The following WDR45 variants were observed in gnomAD, a reference collection of about 807,000 sequenced individuals.
The protein encoded by WDR45 is WD repeat domain phosphoinositide-interacting protein 4.
WDR45 carries 2 observed loss-of-function variants against 27.3 expected under a neutral mutation model. The observed-to-expected ratio is 0.07, with a 90% CI of 0.03 to 0.23. The LOEUF is 0.23. Among genes scored for constraint, WDR45 ranks in the 10% least tolerant of loss-of-function variants. The pLI is 1.00. For synonymous variants in WDR45, 99 were observed against 119.2 expected (o/e 0.83, Z 1.11); for missense variants, 175 against 311.9 (o/e 0.56, Z 3.31).
At chrX:49,095,598 C>G in intron 2 of WDR45, among the ~76,000 whole-genome samples, 1 of 105,769 alleles carries the variant, frequency 9.5e-6, no homozygotes, top group Non-Finnish European at 1.9e-5. Context: ...GTAGCTGGGA[C>G]TACAGGCGCC....
intron 1 of WDR45, chrX:49,100,767 G>GT (rs1322401441): frequency 1.6e-4 from 18 of 112,964 alleles, no homozygotes; most frequent in African/African-American, 5.5e-4. Context: ...GGACCGGCTT[G>GT]TGAGAAGGAG....
rs782666101 is a variant in WDR45 at position 49,076,472 on chromosome X, G to T, written c.394C>A (p.Pro132Thr). 8.3e-6 allele frequency: 10 copies of T among 1,212,019 alleles called. No individual in the cohort carries two copies. Among genetic ancestry groups the T allele is most frequent in the Non-Finnish European group, 1.1e-5 (10 of 895,590 alleles). Residue 132 changes from proline to threonine, a missense_variant, in exon 6 of 11, where the codon CCC becomes ACC. Pro to Thr is a conservative substitution (Grantham distance 38). Coordinates refer to ENST00000376372, the MANE Select transcript of WDR45 (RefSeq NM_001029896.2). ...GTATCAAACTCAAACAGCTTTCGGG[G>T]ATTGTCGGGGAAGGAGTACACATAG... is the stretch of plus-strand genomic sequence containing the variant. ...RIYVYSFPDN[P>T]RKLFEFDTRD...
intron 2 of WDR45, among the ~76,000 whole-genome samples, chrX:49,086,750 C>T (rs956000328): frequency 1.8e-5 from 2 of 110,231 alleles, no homozygotes; most frequent in East Asian, 2.9e-4. Flanking sequence ...TGCACCACCA[C>T]GAGGGCTAGT....
chrX:49,093,547 T>A (rs1315340662), intron 2 of WDR45, among the ~76,000 whole-genome samples: 5 of 102,489 alleles, frequency 4.9e-5, no homozygotes, highest in African/African-American at 7.0e-5. Context: ...TTTTTTTTTT[T>A]AATGAGTCAG....
At chrX:49,098,815 C>T (rs1269875198) in intron 2 of WDR45, among the ~76,000 whole-genome samples, 1 of 110,836 alleles carries the variant, frequency 9.0e-6, no homozygotes, top group Admixed American at 9.7e-5. Context: ...TCTACCCCCC[C>T]ACCAAAAAAT....
chrX:49,099,563 C>T (rs887431736), intron 2 of WDR45, among the ~76,000 whole-genome samples: 15 of 110,558 alleles, frequency 1.4e-4, no homozygotes, highest in Non-Finnish European at 2.1e-4. Context: ...AGGCGGATCA[C>T]GAGGTCAGGA....
At position 49,074,747 on chromosome X, in the gene WDR45, A is replaced by G. The variant is rs1299723989; in HGVS notation, c.*56T>C. 1 of 1,055,754 alleles carries G rather than the reference A, an allele frequency of 9.5e-7. No homozygotes were observed. 87.0% of individuals were successfully genotyped at this position (1,055,754 alleles called of 1,213,427 possible). A position where few individuals can be genotyped will look rare whatever the true frequency, so the allele number is the denominator to read the frequency against. On this transcript the variant is annotated 3_prime_UTR_variant, in exon 11 of 11. Coordinates refer to ENST00000376372, the MANE Select transcript of WDR45 (RefSeq NM_001029896.2). ...TGGCTTCCAAGCACGCCCCACTGCC[A>G]AGGCTCAGCTCTGCAGTTCTGCCAC...
chrX:49,075,386 T>C lies in WDR45; in HGVS notation c.805A>G (p.Thr269Ala). The change falls in exon 9 of 11, where the codon ACC becomes GCC. Residue 269 changes from threonine to alanine, a missense_variant. Transcript: ENST00000376372. ...GTVHIFALKD[T>A]RLNRRSALAR... ...CACGCGGAGCGGCGGTTGAGGCGGG[T>C]ATCCTTGAGAGCAAAGATATGGACA... 2.5e-6 allele frequency: 3 copies of C among 1,191,194 alleles called. No homozygotes were observed. The highest frequency in any genetic ancestry group is 2.3e-6 in the Non-Finnish European group (2 of 885,365).
chrX:49,098,742 G>T (rs1557087709), intron 2 of WDR45, among the ~76,000 whole-genome samples: 2 of 110,754 alleles, frequency 1.8e-5, no homozygotes, highest in African/African-American at 6.6e-5. Context: ...AGGCTGTCCA[G>T]ACTGCAGTGA....
chrX:49,098,063 C>T (rs1488565081), intron 2 of WDR45, among the ~76,000 whole-genome samples: 1 of 111,833 alleles, frequency 8.9e-6, no homozygotes, highest in African/African-American at 3.2e-5. Context: ...GTGATCCTCC[C>T]ACATCAGCCT....
intron 2 of WDR45, among the ~76,000 whole-genome samples, chrX:49,093,830 C>T (rs782738266): frequency 9.3e-6 from 1 of 107,930 alleles, no homozygotes; most frequent in African/African-American, 3.4e-5. Context: ...TGTGACCCAC[C>T]TTGCCTGGCC....
exon 2 of WDR45, chrX:49,100,509 T>C (rs1487806449): frequency 8.8e-6 from 1 of 113,668 alleles, no homozygotes; most frequent in Non-Finnish European, 1.9e-5. Flanking sequence ...GTGCTGGGAT[T>C]ACAGGCGTGA....
Position 49,076,734 on chromosome X carries a change from A to G in WDR45, c.252T>C (p.Asp84=). Residue 84 remains aspartate (D), a synonymous_variant, in exon 5 of 11, where the codon GAT becomes GAC. Coordinates refer to ENST00000376372, the MANE Select transcript of WDR45 (RefSeq NM_001029896.2). The part of the protein sequence containing the change: ...FSEISVLIWD[D]AREGKDSKEK... ...CCTTGGAGTCCTTGCCCTCCCGGGCATCGTCCCAGATCAGCACTGCTGGGC... is the reference window on the plus strand; with the variant it reads ...CCTTGGAGTCCTTGCCCTCCCGGGCGTCGTCCCAGATCAGCACTGCTGGGC... The G allele has an allele frequency of 8.3e-7, 1 of 1,204,994 alleles. No individual in the cohort carries two copies. Among genetic ancestry groups the G allele is most frequent in the Non-Finnish European group, 1.1e-6 (1 of 891,733 alleles).
intron 2 of WDR45, among the ~76,000 whole-genome samples, chrX:49,095,529 C>T (rs1171750057): frequency 5.5e-5 from 6 of 109,254 alleles, no homozygotes; most frequent in African/African-American, 1.3e-4. Context: ...GGCACGATCT[C>T]GGCTCACTGC....
upstream of WDR45, among the ~76,000 whole-genome samples, chrX:49,080,796 A>G (rs1276133034): frequency 2.0e-5 from 1 of 49,659 alleles, no homozygotes; most frequent in Non-Finnish European, 4.7e-5. Flanking sequence ...AAAAGGTATG[A>G]ATGCTTTGGG....
chrX:49,077,738 T>G lies in WDR45; in HGVS notation c.140A>C (p.Gln47Pro). 8.3e-7 allele frequency: 1 copy of G among 1,200,473 alleles called. No individual in the cohort carries two copies. Among genetic ancestry groups the G allele is most frequent in the Non-Finnish European group, 1.1e-6 (1 of 889,499 alleles). The change falls in exon 4 of 11, where the codon CAG (glutamine) becomes CCG (proline). Residue 47 changes from glutamine (Q) to proline (P), a missense_variant. By Grantham distance (76) the Gln-to-Pro change is moderately conservative (BLOSUM62 -1). Around this residue, in one of 3 missense-constraint regions of WDR45, gnomAD observed 102 missense variants for 165.4 expected, o/e 0.62. Transcript: ENST00000376372. Reference sequence around the variant, plus strand: ...CTCCACCAAGCCCATGCTGCCCACCTGCTCGTGGTCTGGACAGGGACCAGG... The same window carrying G: ...CTCCACCAAGCCCATGCTGCCCACCGGCTCGTGGTCTGGACAGGGACCAGG... ...LMEKGHLDHEQVGSMGLVEML... is the reference protein window; with the variant it reads ...LMEKGHLDHEPVGSMGLVEML...
chrX:49,087,160 C>T (rs1557086023), intron 2 of WDR45, among the ~76,000 whole-genome samples: 1 of 108,636 alleles, frequency 9.2e-6, no homozygotes, highest in African/African-American at 3.3e-5. Flanking sequence ...GAGTTCAAGA[C>T]CAGCCTGGAC....
chrX:49,094,602 C>T (rs1339924003), intron 2 of WDR45, among the ~76,000 whole-genome samples: 2 of 110,592 alleles, frequency 1.8e-5, no homozygotes, highest in African/African-American at 3.3e-5. Flanking sequence ...ACCCTAAATT[C>T]GCTATTTTGG....
chrX:49,100,895 C>T (rs936890254), intron 1 of WDR45: 1 of 112,965 alleles, frequency 8.9e-6, no homozygotes, highest in Non-Finnish European at 1.9e-5. Flanking sequence ...GCAGATCAAA[C>T]TCAAAGCCAC....
Sources: allele counts gnomAD v4.1 joint callset (sites outside exome capture counted in the v4.1 genomes callset), GRCh38; gene constraint gnomAD v4.1.1; regional missense constraint gnomAD v4.1.1; transcripts MANE v1.5; gene names NCBI Gene and HGNC (gene_info 2026-07-23, HGNC 2026-07-21).